PTPN22: variants seen among roughly 807,000 people sequenced by gnomAD.
PTPN22 encodes the protein protein tyrosine phosphatase non-receptor type 22.
In PTPN22, 85 loss-of-function variants were observed where a neutral mutation model predicts 103.3. The ratio of observed to expected loss-of-function variants is 0.82; its 90% CI spans 0.69 to 0.99. The LOEUF (loss-of-function observed/expected upper bound fraction) is 0.99, where lower values mean the gene tolerates loss of function less well. PTPN22 is among the 50% of genes least tolerant of loss of function. The pLI, the probability that PTPN22 is intolerant of heterozygous loss-of-function variation, is 0.00. For missense variants in PTPN22, 865 were observed against 936.9 expected, an observed-to-expected ratio of 0.92 and a Z score of 1.00; for synonymous variants, 323 against 310.2, an observed-to-expected ratio of 1.04 and a Z score of -0.43.
Position 113,834,307 on chromosome 1 carries a change from A to T in PTPN22, c.2025+2T>A. 1 of 1,613,246 alleles carries T rather than the reference A, an allele frequency of 6.2e-7. No homozygotes were observed. Among genetic ancestry groups the T allele is most frequent in the South Asian group, 1.1e-5 (1 of 90,900 alleles). On this transcript the variant is annotated splice_donor_variant, in intron 15 of 20. Coordinates refer to ENST00000359785, the Ensembl canonical transcript of PTPN22. LOFTEE classifies it high-confidence loss of function. ...GAGTAGAGTCATTAAAAAATTATTG[A>T]CCTTGCTTGGTCTAAGTATCACAGA...
intron 11 of PTPN22, among the ~76,000 whole-genome samples, chr1:113,842,264 C>T (rs1321246892): frequency 1.3e-5 from 2 of 151,856 alleles, no homozygotes; most frequent in Non-Finnish European, 2.9e-5. Context: ...GACATTTTTC[C>T]AAAGAGGATA....
intron 16 of PTPN22, among the ~76,000 whole-genome samples, chr1:113,830,384 A>C (rs1436647422): frequency 1.3e-5 from 2 of 152,162 alleles, no homozygotes; most frequent in Non-Finnish European, 2.9e-5. Context: ...TAGAAGACTA[A>C]GCAGTCTTTT....
At chr1:113,842,027 A>G (rs568221729) in intron 11 of PTPN22, among the ~76,000 whole-genome samples, 5 of 152,160 alleles carry the variant, frequency 3.3e-5, no homozygotes, top group African/African-American at 9.6e-5. Flanking sequence ...CAACATAATG[A>G]GACCCTGTCT....
chr1:113,857,856 A>G, intron 4 of PTPN22, 80 bp from the exon 5 acceptor site: 1 of 1,306,344 alleles, frequency 7.7e-7, no homozygotes, highest in Non-Finnish European at 1.1e-6. Flanking sequence ...CCAGACTCAG[A>G]AAGTATTAAC....
chr1:113,834,409 A>G, exon 15 of PTPN22: 1 of 1,613,416 alleles, frequency 6.2e-7, no homozygotes, highest in Non-Finnish European at 8.5e-7. Flanking sequence ...AGCTGAGGAT[A>G]AGGATTTGGG....
rs749365706 is a variant in PTPN22, at chr1:113,838,142, G to A, written c.1258C>T (p.Leu420Phe). The stretch of plus-strand genomic sequence containing the variant: ...GAATTAGAACATCCCTCAAACAAAA[G>A]AGAGCCCAAATCCAAACTTTGATGC... The change falls in exon 13 of 21, where the codon CTT becomes TTT. Residue 420 changes from leucine (L) to phenylalanine (F), a missense_variant. Physicochemically the swap from Leu to Phe is conservative, Grantham distance 22 (BLOSUM62 0). Around this residue, in one of 3 missense-constraint regions of PTPN22, gnomAD observed 457 missense variants for 529.1 expected, o/e 0.86. Transcript: ENST00000359785. 3.1e-6 allele frequency: 5 copies of A among 1,614,084 alleles called. No homozygotes were observed. The South Asian group carries it at 3.3e-5, about 11-fold the overall frequency.
chr1:113,819,878 T>C lies in PTPN22; in HGVS notation c.2282-224A>G, dbSNP rs548865611. 2.3e-4 allele frequency: 70 copies of C among 301,858 alleles called. No homozygotes were observed. The East Asian group carries it at 2.8e-3, about 12-fold the overall frequency. The allele number at this position is 301,858 out of a possible 1,614,324, so 18.7% of individuals were successfully genotyped here. A position where few individuals can be genotyped will look rare whatever the true frequency, so the allele number is the denominator to read the frequency against. Reference sequence around the variant, plus strand: ...AGGTTTCTTTTCTTTGCAAACAGATTGTATAGTAAAGCCCAACACTAAAGA... The same window carrying C: ...AGGTTTCTTTTCTTTGCAAACAGATCGTATAGTAAAGCCCAACACTAAAGA... On this transcript the variant is annotated intron_variant, in intron 19 of 20. Transcript: ENST00000359785.
At chr1:113,850,218 A>AAGGG (rs1664450925) in intron 10 of PTPN22, among the ~76,000 whole-genome samples, 1 of 126,044 alleles carries the variant, frequency 7.9e-6, no homozygotes, top group Non-Finnish European at 1.7e-5. Context: ...GGAAGGAAGG[A>AAGGG]AGGAAGGAAG....
At chr1:113,816,319 C>A (rs1257730052) in intron 20 of PTPN22, among the ~76,000 whole-genome samples, 1 of 148,844 alleles carries the variant, frequency 6.7e-6, no homozygotes, top group African/African-American at 2.5e-5. Context: ...CAAAAAAACA[C>A]AAAAAAATTA....
intron 18 of PTPN22, among the ~76,000 whole-genome samples, chr1:113,825,954 C>T (rs918370722): frequency 6.6e-6 from 1 of 152,116 alleles, no homozygotes; most frequent in African/African-American, 2.4e-5. Context: ...ACCTTGTGAC[C>T]TACCTGCCTT....
intron 1 of PTPN22, among the ~76,000 whole-genome samples, chr1:113,869,177 T>C (rs1346367367): frequency 1.3e-5 from 2 of 152,096 alleles, no homozygotes; most frequent in Non-Finnish European, 2.9e-5. Flanking sequence ...GATGGTGTCA[T>C]TGCATTCCAG....
chr1:113,841,376 A>G (rs1663532280), intron 11 of PTPN22, among the ~76,000 whole-genome samples: 1 of 152,204 alleles, frequency 6.6e-6, no homozygotes, highest in African/African-American at 2.4e-5. Context: ...GGATTTGGCA[A>G]CGATTTCTTG....
At chr1:113,865,480 A>T (rs932283963) in intron 1 of PTPN22, among the ~76,000 whole-genome samples, 2 of 152,210 alleles carry the variant, frequency 1.3e-5, no homozygotes, top group Admixed American at 1.3e-4. Flanking sequence ...GAGATCACGT[A>T]CGGCAAAGCA....
At chr1:113,833,761 T>C (rs1558026443) in intron 15 of PTPN22, among the ~76,000 whole-genome samples, 1 of 152,098 alleles carries the variant, frequency 6.6e-6, no homozygotes, top group Non-Finnish European at 1.5e-5. Context: ...CACAAACCCC[T>C]CCCACCCCCA....
intron 18 of PTPN22, among the ~76,000 whole-genome samples, chr1:113,826,482 C>G (rs1304633671): frequency 1.3e-5 from 2 of 149,708 alleles, no homozygotes; most frequent in African/African-American, 2.5e-5. Flanking sequence ...TCCCACTTCC[C>G]TCCTTTATTA....
exon 20 of PTPN22, chr1:113,819,651 A>T: frequency 2.5e-6 from 4 of 1,592,194 alleles, no homozygotes; most frequent in Non-Finnish European, 3.4e-6. Flanking sequence ...AGAATTACAG[A>T]TACCTAGAAT....
At chr1:113,858,648 T>C (rs1210586010) in intron 3 of PTPN22, 75 bp from the exon 4 acceptor site, 2 of 983,162 alleles carry the variant, frequency 2.0e-6, no homozygotes, top group Non-Finnish European at 3.0e-6. Context: ...GCTTCCTTTT[T>C]TTTTTTTTTT....
chr1:113,849,989 T>C (rs1427571557), intron 10 of PTPN22, among the ~76,000 whole-genome samples: 2 of 149,562 alleles, frequency 1.3e-5, no homozygotes, highest in Non-Finnish European at 3.0e-5. Flanking sequence ...AAATCAGGAG[T>C]TCAAGACCAG....
At chr1:113,868,496 C>T (rs1451111508) in intron 1 of PTPN22, among the ~76,000 whole-genome samples, 1 of 152,146 alleles carries the variant, frequency 6.6e-6, no homozygotes, top group African/African-American at 2.4e-5. Flanking sequence ...GCCTCATTCA[C>T]TACTCCTCTA....
Sources: gnomAD v4.1 joint callset for allele counts (sites outside exome capture counted in the v4.1 genomes callset) on GRCh38, gnomAD v4.1.1 for gene constraint, gnomAD v4.1.1 regional missense constraint, MANE v1.5 for transcripts, NCBI Gene and HGNC (gene_info 2026-07-23, HGNC 2026-07-21) for gene names.